DLGAP1: variants seen among roughly 807,000 people sequenced by gnomAD.
DLGAP1 encodes the protein disks large-associated protein 1.
DLGAP1 carries 11 observed loss-of-function variants against 90.8 expected under a neutral mutation model. That is an observed-to-expected ratio of 0.12 (90% confidence interval 0.08 to 0.20). DLGAP1 has a LOEUF of 0.20. Ranked by LOEUF, DLGAP1 falls within the 10% of genes least tolerant of loss-of-function variation. DLGAP1 has a pLI of 1.00. For synonymous variants in DLGAP1, 558 were observed against 540.7 expected (o/e 1.03, Z -0.44); for missense variants, 1,050 against 1,333.8 (o/e 0.79, Z 3.31).
rs1401410835 is a variant in DLGAP1, at chr18:3,497,800, A to C, written c.*1385T>G. ...ATCAAGACTAAAAATCTAAATCAACACTCTCTGCCAAAAGCCTTGACTTCT... is the reference window on the plus strand; with the variant it reads ...ATCAAGACTAAAAATCTAAATCAACCCTCTCTGCCAAAAGCCTTGACTTCT... On this transcript the variant is annotated 3_prime_UTR_variant, in exon 13 of 13. Coordinates refer to ENST00000315677, the MANE Select transcript of DLGAP1 (RefSeq NM_004746.4). 1 of 152,060 alleles carries C rather than the reference A, an allele frequency of 6.6e-6. No individual in the cohort carries two copies. Among genetic ancestry groups the C allele is most frequent in the Non-Finnish European group, 1.5e-5 (1 of 68,022 alleles). The allele number at this position is 152,060 out of a possible 1,614,324, so 9.4% of individuals were successfully genotyped here. A position where few individuals can be genotyped will look rare whatever the true frequency, so the allele number is the denominator to read the frequency against.
At chr18:4,382,864 T>C (rs2082158073) in intron 1 of DLGAP1, among the ~76,000 whole-genome samples, 1 of 152,172 alleles carries the variant, frequency 6.6e-6, no homozygotes, top group Non-Finnish European at 1.5e-5. Flanking sequence ...GTTGTTTAAA[T>C]CAAACACGAA....
At position 3,742,360 on chromosome 18, in the gene DLGAP1, A is replaced by G. The variant is rs1598549990; in HGVS notation, c.1325T>C (p.Met442Thr). 16 of 1,613,882 alleles carry G rather than the reference A, an allele frequency of 9.9e-6. No individual in the cohort carries two copies. The highest frequency in any genetic ancestry group is 1.4e-5 in the Non-Finnish European group (16 of 1,179,970). ...PKFRSRNESY[M>T]RAMSTISQVS... ...CTGGCTGATGGTGCTCATGGCTCGC[A>G]TGTAGCTCTCATTCCTGGAGCGGAA... The change falls in exon 6 of 13, where the codon ATG becomes ACG. Residue 442 changes from methionine to threonine, a missense_variant. By Grantham distance (81) the Met-to-Thr change is moderately conservative. Transcript: ENST00000315677.
At chr18:3,799,645 T>C (rs571228162) in intron 5 of DLGAP1, among the ~76,000 whole-genome samples, 7 of 152,222 alleles carry the variant, frequency 4.6e-5, no homozygotes, top group Admixed American at 3.3e-4. Flanking sequence ...CCCGCAATAC[T>C]CAGCTCAGCT....
chr18:3,708,077 C>T (rs1228673297), intron 7 of DLGAP1, among the ~76,000 whole-genome samples: 1 of 151,578 alleles, frequency 6.6e-6, no homozygotes, highest in Non-Finnish European at 1.5e-5. Context: ...GTGACCCCAG[C>T]TCACTGCAAC....
At chr18:3,617,249 T>C (rs911574506) in intron 7 of DLGAP1, among the ~76,000 whole-genome samples, 1 of 152,132 alleles carries the variant, frequency 6.6e-6, no homozygotes, top group African/African-American at 2.4e-5. Flanking sequence ...AGAGATGGGA[T>C]TCAAACTGAG....
At chr18:4,277,354 G>C (rs2079439397) in intron 1 of DLGAP1, among the ~76,000 whole-genome samples, 1 of 151,824 alleles carries the variant, frequency 6.6e-6, no homozygotes, top group Admixed American at 6.6e-5. Context: ...AATGGAGAAT[G>C]TGTGTGTGTG....
At chr18:4,094,051 G>A (rs2075631731) in intron 2 of DLGAP1, among the ~76,000 whole-genome samples, 1 of 151,838 alleles carries the variant, frequency 6.6e-6, no homozygotes, top group African/African-American at 2.4e-5. Context: ...ATTGTTGTTA[G>A]GATTCTTCCT....
rs528293007 is a variant in DLGAP1 at position 4,207,578 on chromosome 18, G to C, written c.-266-56291C>G. ...GTAGTCACAAGCCCACCTGCGGTGTGGCTCAGCTTGGCCCCCTATTCATGT... is the reference window on the plus strand; with the variant it reads ...GTAGTCACAAGCCCACCTGCGGTGTCGCTCAGCTTGGCCCCCTATTCATGT... On this transcript the variant is annotated intron_variant, in intron 1 of 12. Transcript: ENST00000315677. 2.6e-5 allele frequency among the ~76,000 whole-genome samples: 4 copies of C among 152,340 alleles called. No individual in the cohort carries two copies. The South Asian group carries it at 8.3e-4, about 32-fold the overall frequency.
At chr18:3,599,825 G>T (rs1487277838) in intron 7 of DLGAP1, among the ~76,000 whole-genome samples, 1 of 152,054 alleles carries the variant, frequency 6.6e-6, no homozygotes, top group Non-Finnish European at 1.5e-5. Context: ...CACCATGTGG[G>T]CCAGGATGGT....
At chr18:3,686,790 G>A (rs2060718136) in intron 7 of DLGAP1, among the ~76,000 whole-genome samples, 4 of 152,226 alleles carry the variant, frequency 2.6e-5, no homozygotes, top group Admixed American at 2.6e-4. Context: ...CAGAGGCTCT[G>A]TGGGAGGCAG....
chr18:4,248,314 C>T lies in DLGAP1; in HGVS notation c.-266-97027G>A, dbSNP rs569478112. On this transcript the variant is annotated intron_variant, in intron 1 of 12. Transcript: ENST00000315677. ...GAACAGAGCAGGAGCCCGAACCATA[C>T]TTTCAGTTCCTTCAGGATATTGACT... 7.9e-5 allele frequency among the ~76,000 whole-genome samples: 12 copies of T among 152,338 alleles called. 1 individual carries two copies. The South Asian group carries it at 2.5e-3, about 32-fold the overall frequency.
At chr18:4,341,152 CTA>C (rs552104905) in intron 1 of DLGAP1, among the ~76,000 whole-genome samples, 15 of 151,612 alleles carry the variant, frequency 9.9e-5, no homozygotes, top group Non-Finnish European at 2.1e-4. Flanking sequence ...TGAATGACGG[CTA>C]TTTTATCTAT....
At chr18:3,671,253 G>A (rs1228819644) in intron 7 of DLGAP1, among the ~76,000 whole-genome samples, 1 of 145,550 alleles carries the variant, frequency 6.9e-6, no homozygotes, top group African/African-American at 2.5e-5. Flanking sequence ...TATTTTCTTT[G>A]ATCACACAGC....
chr18:3,885,070 A>C (rs2071273837), intron 3 of DLGAP1, among the ~76,000 whole-genome samples: 1 of 152,222 alleles, frequency 6.6e-6, no homozygotes, highest in East Asian at 1.9e-4. Flanking sequence ...AGCAAGGGCA[A>C]ATGATCTAAA....
At chr18:4,432,081 A>G (rs2083294985) in intron 1 of DLGAP1, among the ~76,000 whole-genome samples, 1 of 152,156 alleles carries the variant, frequency 6.6e-6, no homozygotes, top group South Asian at 2.1e-4. Context: ...ATACTTTTTG[A>G]TCAACTAGAT....
chr18:4,270,050 T>C (rs2079240391), intron 1 of DLGAP1, among the ~76,000 whole-genome samples: 1 of 152,200 alleles, frequency 6.6e-6, no homozygotes, highest in African/African-American at 2.4e-5. Flanking sequence ...GTTTAAATGT[T>C]CAGAAGCTCT....
chr18:3,565,169 A>G lies in DLGAP1; in HGVS notation c.2057+2321T>C, dbSNP rs573342195. On this transcript the variant is annotated intron_variant, in intron 9 of 12. Coordinates refer to ENST00000315677, the MANE Select transcript of DLGAP1 (RefSeq NM_004746.4). This position sits in a 1 kb window ranked among gnomAD's most constrained non-coding sequence, Gnocchi z 4.0. Reference sequence around the variant, plus strand: ...GGAATATATTTTCTTTTTCTTTTTAAGACAGAGTCTGCTCTGCCACCCAGG... The same window carrying G: ...GGAATATATTTTCTTTTTCTTTTTAGGACAGAGTCTGCTCTGCCACCCAGG... Among the ~76,000 whole-genome samples the G allele has an allele frequency of 6.6e-6, 1 of 152,104 alleles. No homozygotes were observed.
intron 2 of DLGAP1, among the ~76,000 whole-genome samples, chr18:4,062,210 G>A (rs1213986460): frequency 6.6e-6 from 1 of 152,116 alleles, no homozygotes; most frequent in African/African-American, 2.4e-5. Context: ...CGGCAATATA[G>A]TGATTTGCCT....
intron 8 of DLGAP1, 25 bp from the exon 9 acceptor site, chr18:3,567,606 A>G (rs774516068): frequency 6.3e-7 from 1 of 1,593,166 alleles, no homozygotes; most frequent in South Asian, 1.1e-5. Flanking sequence ...AAATAAATAG[A>G]GTTGTTCCAT....
Sources: gnomAD v4.1 joint callset for allele counts (sites outside exome capture counted in the v4.1 genomes callset) on GRCh38, gnomAD v4.1.1 for gene constraint, Gnocchi (gnomAD v3.1) non-coding constraint, MANE v1.5 for transcripts, NCBI Gene and HGNC (gene_info 2026-07-23, HGNC 2026-07-21) for gene names.